The following CDH22 variants were observed in gnomAD, a reference collection of about 807,000 sequenced individuals.
CDH22 encodes cadherin 22.
A neutral mutation model predicts 58.4 loss-of-function variants in CDH22; 30 were observed. The observed-to-expected ratio is 0.51, with a 90% confidence interval of 0.38 to 0.70. The LOEUF is 0.70. CDH22 is among the 30% of genes least tolerant of loss of function. The pLI is 0.00. For missense variants in CDH22, 1,014 were observed against 1,233.9 expected (o/e 0.82, Z 2.67); for synonymous variants, 513 against 558.2 (o/e 0.92, Z 1.14).
rs1471979256 is a variant in CDH22 at position 46,300,341 on chromosome 20, C to T, written c.-400+7914G>A. Among the ~76,000 whole-genome samples the T allele has an allele frequency of 1.3e-5, 2 of 152,306 alleles. No homozygotes were observed. Among genetic ancestry groups the T allele is most frequent in the East Asian group, 3.9e-4 (2 of 5,182 alleles). On this transcript the variant is annotated intron_variant, in intron 1 of 11. Coordinates refer to ENST00000537909, the MANE Select transcript of CDH22 (RefSeq NM_021248.3). The surrounding 1 kb of genome is among the most constrained non-coding windows in gnomAD (Gnocchi z 4.4). ...CCTATGTCTGGTTACCTGAGTCTGT[C>T]TGGCTTGTCACCTACCCATCATCTT...
rs963825397 is a variant in CDH22, at chr20:46,251,738, G to A, written c.-399-45C>T. 1.3e-5 allele frequency: 2 copies of A among 154,846 alleles called. No homozygotes were observed. Among genetic ancestry groups the A allele is most frequent in the Non-Finnish European group, 2.9e-5 (2 of 70,082 alleles). The allele number at this position is 154,846 out of a possible 1,614,324, so 9.6% of individuals were successfully genotyped here. On this transcript the variant is annotated intron_variant, in intron 1 of 11. Transcript: ENST00000537909. This position sits in a 1 kb window ranked among gnomAD's most constrained non-coding sequence, Gnocchi z 6.7. ...ACATTAGAGGGGCTTCTGTGTAGGG[G>A]GAGGGCAAGTTGAGTCTATCTTTCC...
intron 1 of CDH22, among the ~76,000 whole-genome samples, chr20:46,285,261 T>G (rs1339080240): frequency 6.6e-6 from 1 of 152,210 alleles, no homozygotes; most frequent in Non-Finnish European, 1.5e-5. Context: ...AACGAGACTT[T>G]GTGAAAATGT....
chr20:46,282,869 G>A (rs542376558), intron 1 of CDH22, among the ~76,000 whole-genome samples: 4 of 152,110 alleles, frequency 2.6e-5, no homozygotes, highest in South Asian at 2.1e-4. Flanking sequence ...TTGCTCCCTC[G>A]TCACAAGCCT....
intron 1 of CDH22, among the ~76,000 whole-genome samples, chr20:46,286,964 A>G (rs2086579415): frequency 6.6e-6 from 1 of 152,054 alleles, no homozygotes; most frequent in African/African-American, 2.4e-5. Context: ...TCAAACTCTT[A>G]TTCATTTATT....
intron 4 of CDH22, among the ~76,000 whole-genome samples, chr20:46,217,850 T>C (rs921919956): frequency 1.3e-5 from 2 of 151,900 alleles, no homozygotes; most frequent in Non-Finnish European, 2.9e-5. Context: ...CACTAACATA[T>C]ACACACACAC....
At chr20:46,175,828 A>G (rs1358220494) in intron 11 of CDH22, among the ~76,000 whole-genome samples, 1 of 152,200 alleles carries the variant, frequency 6.6e-6, no homozygotes, top group Non-Finnish European at 1.5e-5. Flanking sequence ...TTTGAAAGCC[A>G]CAGCTCTGTC....
At chr20:46,179,369 G>T (rs1173758310) in intron 10 of CDH22, among the ~76,000 whole-genome samples, 5 of 152,164 alleles carry the variant, frequency 3.3e-5, no homozygotes, top group Non-Finnish European at 7.3e-5. Flanking sequence ...CTGCTTCGTG[G>T]CCCCAGTTAA....
intron 10 of CDH22, among the ~76,000 whole-genome samples, chr20:46,178,586 C>CTTTTTTTTGTTTTTTTTTTT (rs2085759438): frequency 1.0e-5 from 1 of 95,376 alleles, no homozygotes; most frequent in Non-Finnish European, 2.0e-5. Flanking sequence ...CTGGCGTTGT[C>CTTTTTTTTGTTTTTTTTTTT]TTTTTTTTTT....
chr20:46,277,981 T>C (rs1376157870), intron 1 of CDH22, among the ~76,000 whole-genome samples: 2 of 151,082 alleles, frequency 1.3e-5, no homozygotes, highest in African/African-American at 2.4e-5. Flanking sequence ...GGCGAAAGTG[T>C]AGATCCAGGC....
intron 4 of CDH22, among the ~76,000 whole-genome samples, chr20:46,223,741 C>CTTTG (rs2086149196): frequency 9.0e-6 from 1 of 111,428 alleles, no homozygotes; most frequent in Non-Finnish European, 1.9e-5. Context: ...TTCTTTCTTT[C>CTTTG]TCTTTCCTCT....
At chr20:46,265,290 T>G (rs1349033857) in intron 1 of CDH22, among the ~76,000 whole-genome samples, 1 of 152,114 alleles carries the variant, frequency 6.6e-6, no homozygotes, top group African/African-American at 2.4e-5. Context: ...CCAAACCGCC[T>G]CCTCCTTGCT....
At position 46,250,933 on chromosome 20, in the gene CDH22, A is replaced by G. The variant is rs370856723; in HGVS notation, c.255+107T>C. The stretch of plus-strand genomic sequence containing the variant: ...TCCTTGGCTAGGGAGCAGAAGAGGC[A>G]CATGAAACATGGATTTAAAAGGGCA... On this transcript the variant is annotated intron_variant, in intron 2 of 11. Coordinates refer to ENST00000537909, the MANE Select transcript of CDH22 (RefSeq NM_021248.3). 190 of 713,380 alleles carry G rather than the reference A, an allele frequency of 2.7e-4. 1 individual carries two copies. The South Asian group carries it at 3.0e-3, about 11-fold the overall frequency. The allele number at this position is 713,380 out of a possible 1,614,324, so 44.2% of individuals were successfully genotyped here. A position where few individuals can be genotyped will look rare whatever the true frequency, so the allele number is the denominator to read the frequency against.
intron 2 of CDH22, among the ~76,000 whole-genome samples, chr20:46,244,242 A>G (rs556791595): frequency 6.6e-6 from 1 of 152,314 alleles, no homozygotes; most frequent in Admixed American, 6.5e-5. Context: ...CCTAGTGGTG[A>G]TGTCATCTTC....
At chr20:46,199,857 C>G (rs564012954) in intron 7 of CDH22, among the ~76,000 whole-genome samples, 1 of 152,332 alleles carries the variant, frequency 6.6e-6, no homozygotes, top group South Asian at 2.1e-4. Context: ...TGGCAAAATG[C>G]TTGGCACAGT....
In CDH22 at chr20:46,241,887, C is replaced by A. The variant is rs141376024; in HGVS notation, c.256-630G>T. 1.0e-3 allele frequency among the ~76,000 whole-genome samples: 154 copies of A among 152,266 alleles called. 1 individual carries two copies. The highest frequency in any genetic ancestry group is 3.4e-3 in the African/African-American group (143 of 41,556). The stretch of plus-strand genomic sequence containing the variant: ...AAATGCAGATTCTGACTCAGTAGGT[C>A]TGGGGCCAGGCCTCAGACTTTGCAT... On this transcript the variant is annotated intron_variant, in intron 2 of 11. Transcript: ENST00000537909. The surrounding 1 kb of genome is among the most constrained non-coding windows in gnomAD (Gnocchi z 5.2).
intron 1 of CDH22, among the ~76,000 whole-genome samples, chr20:46,255,618 C>T (rs929379846): frequency 6.6e-6 from 1 of 152,220 alleles, no homozygotes; most frequent in African/African-American, 2.4e-5. Flanking sequence ...CAGGTCCTCC[C>T]TCAGGCATCT....
chr20:46,181,002 C>T (rs559032997), intron 10 of CDH22, among the ~76,000 whole-genome samples: 2 of 151,010 alleles, frequency 1.3e-5, no homozygotes, highest in South Asian at 2.1e-4. Flanking sequence ...AGGCTGGTCT[C>T]GAACTCCTGG....
At chr20:46,181,123 A>G (rs2085781105) in intron 10 of CDH22, among the ~76,000 whole-genome samples, 1 of 152,048 alleles carries the variant, frequency 6.6e-6, no homozygotes, top group Non-Finnish European at 1.5e-5. Context: ...GCACCATGCT[A>G]GTCGCCATGA....
rs192937007 is a variant in CDH22, at chr20:46,241,063, G to A, written c.450C>T (p.Pro150=). ...GCACCTTGATGATGAACTCCGACTC[G>A]GGCTCCAGTAGGCGGTTGGTGGCGC... ...RDRATNRLLE[P]ESEFIIKVQD... is the part of the protein sequence containing the mutation. The change falls in exon 3 of 12, where the codon CCC becomes CCT. Residue 150 remains proline, a synonymous_variant. Coordinates refer to ENST00000537909, the MANE Select transcript of CDH22 (RefSeq NM_021248.3). The surrounding 1 kb of genome is among the most constrained non-coding windows in gnomAD (Gnocchi z 5.2). 160 of 1,614,144 alleles carry A rather than the reference G, an allele frequency of 9.9e-5. No homozygotes were observed. Among genetic ancestry groups the A allele is most frequent in the Admixed American group, 1.7e-4 (10 of 60,020 alleles).
Sources: allele counts gnomAD v4.1 joint callset (sites outside exome capture counted in the v4.1 genomes callset), GRCh38; gene constraint gnomAD v4.1.1; non-coding constraint Gnocchi (gnomAD v3.1); transcripts MANE v1.5; gene names NCBI Gene and HGNC (gene_info 2026-07-23, HGNC 2026-07-21).